The following PCBP3 variants were observed in gnomAD, a reference collection of about 807,000 sequenced individuals.
The protein encoded by PCBP3 is poly(rC) binding protein 3, also known as poly(rC)-binding protein 3.
Under a neutral mutation model 52.7 loss-of-function variants are expected in PCBP3, and 25 were observed. The ratio of observed to expected loss-of-function variants is 0.47; its 90% confidence interval spans 0.35 to 0.66. PCBP3 has a LOEUF of 0.66. Ranked by LOEUF, PCBP3 falls within the 30% of genes least tolerant of loss-of-function variation. The probability of loss-of-function intolerance (pLI) is 0.01; values close to 1 mark genes in which losing one functional copy is unlikely to be tolerated. For missense variants in PCBP3, 391 were observed against 490.3 expected (o/e 0.80, Z 1.91); for synonymous variants, 162 against 183.0 (o/e 0.89, Z 0.93).
rs143196185 is a variant in PCBP3, at chr21:45,816,870, C to T, written c.-125-33091C>T. Reference sequence around the variant, plus strand: ...GGTATTACTATTGTAAGTAATTGTACGAGTTACGCTCTGATGTGACTGGCA... The same window carrying T: ...GGTATTACTATTGTAAGTAATTGTATGAGTTACGCTCTGATGTGACTGGCA... On this transcript the variant is annotated intron_variant, in intron 4 of 17. Coordinates refer to ENST00000681687, the MANE Select transcript of PCBP3 (RefSeq NM_001384156.1). Among the ~76,000 whole-genome samples the T allele has an allele frequency of 5.1e-4, 78 of 151,822 alleles. 1 individual carries two copies. The highest frequency in any genetic ancestry group is 8.4e-4 in the Non-Finnish European group (57 of 67,978).
intron 13 of PCBP3, among the ~76,000 whole-genome samples, chr21:45,926,438 G>A (rs1270781108): frequency 6.6e-6 from 1 of 152,208 alleles, no homozygotes; most frequent in African/African-American, 2.4e-5. Flanking sequence ...CTGTAAAACA[G>A]CCTCAGGCAG....
Position 45,656,647 on chromosome 21 carries a change from A to T in PCBP3, c.-278-12227A>T, listed in dbSNP as rs116066260. Among the ~76,000 whole-genome samples the T allele has an allele frequency of 0.017, 2,621 of 152,056 alleles. 58 individuals carry two copies. The highest frequency in any genetic ancestry group is 0.055 in the African/African-American group (2,262 of 41,454). On this transcript the variant is annotated intron_variant, in intron 1 of 17. Transcript: ENST00000681687. The surrounding 1 kb of genome is among the most constrained non-coding windows in gnomAD (Gnocchi z 4.3). ...TCCAGAACTTAAAGTATAATAAATT[A>T]AAAAAAATAGCTGAAAACAAAAACA...
chr21:45,824,529 T>C (rs915406952), intron 4 of PCBP3, among the ~76,000 whole-genome samples: 10 of 152,206 alleles, frequency 6.6e-5, no homozygotes, highest in Admixed American at 2.0e-4. Context: ...TCCCCAGAGG[T>C]GTGCTGTAGA....
intron 2 of PCBP3, among the ~76,000 whole-genome samples, chr21:45,686,866 G>A (rs1334547225): frequency 6.6e-6 from 1 of 152,096 alleles, no homozygotes; most frequent in Non-Finnish European, 1.5e-5. Flanking sequence ...GAGGAAAAAA[G>A]AGCTTCAGTG....
chr21:45,792,751 T>C (rs182059083), intron 4 of PCBP3, among the ~76,000 whole-genome samples: 4 of 152,216 alleles, frequency 2.6e-5, no homozygotes, highest in Admixed American at 2.6e-4. Flanking sequence ...GAGTGGAAGT[T>C]AGGACGCTCA....
intron 13 of PCBP3, among the ~76,000 whole-genome samples, chr21:45,929,130 T>TA (rs2149481202): frequency 6.6e-6 from 1 of 152,328 alleles, no homozygotes; most frequent in South Asian, 2.1e-4. Context: ...GAGGCTCAGG[T>TA]AAAATAACTT....
At chr21:45,818,044 A>G (rs997477602) in intron 4 of PCBP3, among the ~76,000 whole-genome samples, 2 of 152,034 alleles carry the variant, frequency 1.3e-5, no homozygotes, top group Admixed American at 1.3e-4. Context: ...ATTTTTTGAG[A>G]CAGAGTCTCG....
In PCBP3 at chr21:45,860,661, A is replaced by G. The variant is rs528983441; in HGVS notation, c.10+10566A>G. 2.6e-5 allele frequency among the ~76,000 whole-genome samples: 4 copies of G among 152,358 alleles called. No individual in the cohort carries two copies. The South Asian group carries it at 8.3e-4, about 32-fold the overall frequency. On this transcript the variant is annotated intron_variant, in intron 5 of 17. Coordinates refer to ENST00000681687, the MANE Select transcript of PCBP3 (RefSeq NM_001384156.1). Reference sequence around the variant, plus strand: ...AAAGAGCCTCTCATGGCCAACAGCAAAGATCGTGCGAGGCTGCGTGACAGC... The same window carrying G: ...AAAGAGCCTCTCATGGCCAACAGCAGAGATCGTGCGAGGCTGCGTGACAGC...
intron 13 of PCBP3, among the ~76,000 whole-genome samples, chr21:45,921,204 T>C (rs2074385329): frequency 6.6e-6 from 1 of 152,266 alleles, no homozygotes; most frequent in Non-Finnish European, 1.5e-5. Flanking sequence ...CGGTATTTAG[T>C]AGAAATTTTT....
chr21:45,939,716 A>G (rs1166979447), intron 16 of PCBP3, among the ~76,000 whole-genome samples: 1 of 152,192 alleles, frequency 6.6e-6, no homozygotes, highest in African/African-American at 2.4e-5. Flanking sequence ...CGGGGTGACC[A>G]GTGTGGAGCA....
chr21:45,768,248 T>G (rs2089541261), intron 4 of PCBP3, among the ~76,000 whole-genome samples: 1 of 152,258 alleles, frequency 6.6e-6, no homozygotes, highest in South Asian at 2.1e-4. Flanking sequence ...GCTCCCTGCG[T>G]GGGTGGCAGT....
At chr21:45,679,951 T>C (rs1478634628) in intron 2 of PCBP3, among the ~76,000 whole-genome samples, 1 of 152,238 alleles carries the variant, frequency 6.6e-6, no homozygotes, top group African/African-American at 2.4e-5. Context: ...TTTTGGAAAG[T>C]CTATCCTCTC....
At chr21:45,915,478 T>G (rs1006100615) in intron 12 of PCBP3, 1 of 152,206 alleles carries the variant, frequency 6.6e-6, no homozygotes, top group Non-Finnish European at 1.5e-5. Context: ...AGGATTTTTT[T>G]CAAAAGGAAG....
rs766994832 is a variant in PCBP3 at position 45,901,119 on chromosome 21, C to G, written c.339+6C>G. On this transcript the variant is annotated splice_donor_region_variant and intron_variant, in intron 9 of 17. Transcript: ENST00000681687. ...TCGCATACAAGTTTGAGGAGGTAAC[C>G]TGCACCCCAGGCACCTCTGCCAGCC... The G allele has an allele frequency of 2.5e-6, 4 of 1,590,368 alleles. No homozygotes were observed. Among genetic ancestry groups the G allele is most frequent in the Non-Finnish European group, 2.6e-6 (3 of 1,158,802 alleles).
At chr21:45,846,715 C>A (rs1462633224) in intron 4 of PCBP3, among the ~76,000 whole-genome samples, 1 of 152,220 alleles carries the variant, frequency 6.6e-6, no homozygotes, top group African/African-American at 2.4e-5. Context: ...ATGGCTTCGC[C>A]GCGCACTGGG....
chr21:45,814,375 G>T (rs1377817784), intron 4 of PCBP3, among the ~76,000 whole-genome samples: 1 of 150,328 alleles, frequency 6.7e-6, no homozygotes, highest in African/African-American at 2.5e-5. Flanking sequence ...GTAGTGAGTG[G>T]TGGGTGAGTG....
At chr21:45,879,840 T>C (rs1199734646) in intron 5 of PCBP3, among the ~76,000 whole-genome samples, 2 of 151,634 alleles carry the variant, frequency 1.3e-5, no homozygotes, top group Admixed American at 1.3e-4. Context: ...ACAGCATCCA[T>C]TAGAAAAGAA....
chr21:45,816,500 C>CT, intron 4 of PCBP3, among the ~76,000 whole-genome samples: 1 of 59,484 alleles, frequency 1.7e-5, no homozygotes, highest in Non-Finnish European at 3.4e-5. Flanking sequence ...CTCCCCTTCC[C>CT]CCTCCCCTCC....
rs957611206 is a variant in PCBP3, at chr21:45,791,694, A to T, written c.-126+36242A>T. 6.6e-6 allele frequency among the ~76,000 whole-genome samples: 1 copy of T among 152,196 alleles called. No homozygotes were observed. The highest frequency in any genetic ancestry group is 2.4e-5 in the African/African-American group (1 of 41,448). The stretch of plus-strand genomic sequence containing the variant: ...AACTAAGAAAAAATTTTAAAATACA[A>T]CTACCTCTTCAGCTTAGAGAATAGT... On this transcript the variant is annotated intron_variant, in intron 4 of 17. Transcript: ENST00000681687. This position sits in a 1 kb window ranked among gnomAD's most constrained non-coding sequence, Gnocchi z 4.2.
Sources: allele counts gnomAD v4.1 joint callset (sites outside exome capture counted in the v4.1 genomes callset), GRCh38; gene constraint gnomAD v4.1.1; non-coding constraint Gnocchi (gnomAD v3.1); transcripts MANE v1.5; gene names NCBI Gene and HGNC (gene_info 2026-07-23, HGNC 2026-07-21).